The following CNTNAP2 variants were observed in gnomAD, a reference collection of about 807,000 sequenced individuals.
CNTNAP2 encodes contactin-associated protein-like 2.
A neutral mutation model predicts 155.2 loss-of-function variants in CNTNAP2; 98 were observed. The observed-to-expected ratio is 0.63, with a 90% CI of 0.54 to 0.75. CNTNAP2 has a LOEUF of 0.75. Among genes scored for constraint, CNTNAP2 ranks in the 30% least tolerant of loss-of-function variants. The pLI is 0.00. For missense variants in CNTNAP2, 1,727 were observed against 1,688.1 expected, an observed-to-expected ratio of 1.02 and a Z score of -0.40; for synonymous variants, 651 against 631.2, an observed-to-expected ratio of 1.03 and a Z score of -0.47.
chr7:147,862,541 G>A (rs188622004), intron 13 of CNTNAP2, among the ~76,000 whole-genome samples: 11 of 152,204 alleles, frequency 7.2e-5, no homozygotes, highest in African/African-American at 2.6e-4. Flanking sequence ...ACTTCCTAGG[G>A]TTGAGGTTCT....
intron 3 of CNTNAP2, among the ~76,000 whole-genome samples, chr7:147,035,604 T>A (rs1454131082): frequency 6.6e-6 from 1 of 152,174 alleles, no homozygotes; most frequent in Non-Finnish European, 1.5e-5. Context: ...CTCACATAAG[T>A]TCCCACCTAT....
At chr7:146,850,251 C>T (rs1344561576) in intron 3 of CNTNAP2, among the ~76,000 whole-genome samples, 1 of 152,128 alleles carries the variant, frequency 6.6e-6, no homozygotes, top group African/African-American at 2.4e-5. Flanking sequence ...CTGTCCATTT[C>T]CAAATGAAAA....
intron 4 of CNTNAP2, among the ~76,000 whole-genome samples, chr7:147,083,979 C>A (rs1221060755): frequency 2.2e-5 from 3 of 134,192 alleles, no homozygotes; most frequent in Non-Finnish European, 3.1e-5. Context: ...TGTGTATACA[C>A]ATATATGTAT....
intron 13 of CNTNAP2, among the ~76,000 whole-genome samples, chr7:147,690,634 G>C (rs1256577069): frequency 6.6e-6 from 1 of 152,056 alleles, no homozygotes; most frequent in Non-Finnish European, 1.5e-5. Flanking sequence ...AGATCAAGGA[G>C]AGCAAATAGA....
At chr7:146,656,853 A>G (rs932698690) in intron 1 of CNTNAP2, among the ~76,000 whole-genome samples, 1 of 152,222 alleles carries the variant, frequency 6.6e-6, no homozygotes, top group Admixed American at 6.5e-5. Context: ...ATAGAAAACA[A>G]AAGTATTATG....
Position 147,977,884 on chromosome 7 carries a change from T to C in CNTNAP2, c.2278T>C (p.Ser760Pro). The C allele has an allele frequency of 6.2e-7, 1 of 1,614,144 alleles. No homozygotes were observed. Among genetic ancestry groups the C allele is most frequent in the Non-Finnish European group, 8.5e-7 (1 of 1,180,016 alleles). ...CAGGAGGAAGGATGCTGGTTTCTTA[T>C]CATACAAAGATCACCTGCCAGTGAG... The part of the protein sequence containing the change: ...KQWRKDAGFL[S>P]YKDHLPVSQV... The change falls in exon 15 of 24, where the codon TCA (serine) becomes CCA (proline). Residue 760 changes from serine (S) to proline (P), a missense_variant. Coordinates refer to ENST00000361727, the MANE Select transcript of CNTNAP2 (RefSeq NM_014141.6).
chr7:148,164,767 G>GAT (rs1805618669), intron 17 of CNTNAP2, among the ~76,000 whole-genome samples: 1 of 151,164 alleles, frequency 6.6e-6, no homozygotes, highest in South Asian at 2.1e-4. Context: ...ACTACAGGCA[G>GAT]ATGCCACCAC....
At chr7:146,131,462 G>A (rs1021381084) in intron 1 of CNTNAP2, among the ~76,000 whole-genome samples, 1 of 152,130 alleles carries the variant, frequency 6.6e-6, no homozygotes, top group Non-Finnish European at 1.5e-5. Context: ...CTGCCAACAA[G>A]TCCAAGGATT....
intron 4 of CNTNAP2, among the ~76,000 whole-genome samples, chr7:147,104,395 T>C (rs1220518448): frequency 6.6e-6 from 1 of 151,968 alleles, no homozygotes; most frequent in Non-Finnish European, 1.5e-5. Flanking sequence ...CTATATACAG[T>C]ATTATCCATA....
chr7:148,099,453 G>A (rs1804049754), intron 15 of CNTNAP2, among the ~76,000 whole-genome samples: 1 of 147,112 alleles, frequency 6.8e-6, no homozygotes, highest in Admixed American at 6.8e-5. Context: ...GTGTGTGTGT[G>A]TGTGTGTTGG....
At chr7:147,692,875 T>A (rs935286411) in intron 13 of CNTNAP2, among the ~76,000 whole-genome samples, 1 of 152,072 alleles carries the variant, frequency 6.6e-6, no homozygotes, top group Admixed American at 6.6e-5. Flanking sequence ...ATTTTTTCCC[T>A]AAAGTGTGCC....
chr7:147,296,835 C>T (rs1192337014), intron 8 of CNTNAP2, among the ~76,000 whole-genome samples: 1 of 152,178 alleles, frequency 6.6e-6, no homozygotes, highest in Middle Eastern at 3.4e-3. Flanking sequence ...GAGTTCTAGC[C>T]CACTGGAGTC....
In CNTNAP2 at chr7:147,966,165, G is replaced by A. The variant is rs150370167; in HGVS notation, c.2256-11697G>A. On this transcript the variant is annotated intron_variant, in intron 14 of 23. Transcript: ENST00000361727. Reference sequence around the variant, plus strand: ...TATGGATCTGTGTTACTTGGAGGGGGCTTTAGAAATGGCATCAAGAAGAAA... The same window carrying A: ...TATGGATCTGTGTTACTTGGAGGGGACTTTAGAAATGGCATCAAGAAGAAA... Among the ~76,000 whole-genome samples the A allele has an allele frequency of 6.1e-3, 931 of 152,192 alleles. 13 individuals are homozygous for A. The highest frequency in any genetic ancestry group is 0.021 in the African/African-American group (885 of 41,524).
chr7:148,298,244 A>G (rs1441853090), intron 21 of CNTNAP2, among the ~76,000 whole-genome samples: 1 of 152,180 alleles, frequency 6.6e-6, no homozygotes, highest in Non-Finnish European at 1.5e-5. Flanking sequence ...GGAGGAGAGT[A>G]GAAGCTAACT....
intron 1 of CNTNAP2, among the ~76,000 whole-genome samples, chr7:146,641,373 C>A (rs1164225052): frequency 2.6e-5 from 4 of 152,022 alleles, no homozygotes; most frequent in Admixed American, 2.6e-4. Context: ...AGACGAACTT[C>A]TTCCAGAAGC....
intron 9 of CNTNAP2, among the ~76,000 whole-genome samples, chr7:147,347,420 TTA>T (rs137977529): frequency 0.017 from 2,055 of 120,658 alleles, 65 homozygotes; most frequent in African/African-American, 0.061. Flanking sequence ...TGTGAAAAGA[TTA>T]TATATATATA....
At chr7:147,964,386 G>A (rs1181791954) in intron 14 of CNTNAP2, among the ~76,000 whole-genome samples, 2 of 152,118 alleles carry the variant, frequency 1.3e-5, no homozygotes, top group African/African-American at 4.8e-5. Context: ...TCAAGATTTT[G>A]TTCACCTCAA....
chr7:147,652,601 A>G (rs112634038), intron 13 of CNTNAP2, among the ~76,000 whole-genome samples: 3,433 of 152,238 alleles, frequency 0.023, 126 homozygotes, highest in African/African-American at 0.077. Flanking sequence ...AGAAGGGTTA[A>G]TTAATTCACC....
intron 1 of CNTNAP2, among the ~76,000 whole-genome samples, chr7:146,474,376 T>C (rs1584941894): frequency 6.7e-6 from 1 of 150,264 alleles, no homozygotes; most frequent in African/African-American, 2.4e-5. Context: ...TTGCCAGAAT[T>C]TTCCAGAATC....
Sources: gnomAD v4.1 joint callset for allele counts (sites outside exome capture counted in the v4.1 genomes callset) on GRCh38, gnomAD v4.1.1 for gene constraint, MANE v1.5 for transcripts, NCBI Gene and HGNC (gene_info 2026-07-23, HGNC 2026-07-21) for gene names.